TPRG1: variants seen among roughly 807,000 people sequenced by gnomAD.
The protein encoded by TPRG1 is tumor protein p63 regulated 1.
In TPRG1, 29 loss-of-function variants were observed where a neutral mutation model predicts 29.3. That is an observed-to-expected ratio of 0.99 (90% CI 0.74 to 1.35). The LOEUF is 1.35. TPRG1 is among the 40% of genes most tolerant of loss of function. The pLI is 0.00. For synonymous variants in TPRG1, 130 were observed against 116.8 expected (o/e 1.11, Z -0.73); for missense variants, 327 against 335.0 (o/e 0.98, Z 0.19).
At chr3:189,303,041 T>C (rs1241953574) in intron 4 of TPRG1, among the ~76,000 whole-genome samples, 1 of 152,168 alleles carries the variant, frequency 6.6e-6, no homozygotes, top group Non-Finnish European at 1.5e-5. Flanking sequence ...ACTCTTCATA[T>C]ACAACAGCTG....
chr3:189,300,358 T>C (rs963270229), intron 4 of TPRG1, among the ~76,000 whole-genome samples: 1 of 152,240 alleles, frequency 6.6e-6, no homozygotes, highest in East Asian at 1.9e-4. Flanking sequence ...TGGAACAATT[T>C]AGGCCTCGCT....
intron 5 of TPRG1, among the ~76,000 whole-genome samples, chr3:189,155,916 A>C (rs1489526856): frequency 6.6e-6 from 1 of 152,246 alleles, no homozygotes; most frequent in East Asian, 1.9e-4. Context: ...CATGTACAGC[A>C]TGGTGACTAT....
At chr3:189,276,850 G>A (rs1372688900) in intron 4 of TPRG1, among the ~76,000 whole-genome samples, 5 of 151,942 alleles carry the variant, frequency 3.3e-5, no homozygotes, top group Admixed American at 6.6e-5. Flanking sequence ...AGGGTTTTTC[G>A]AAACACCTAA....
intron 1 of TPRG1, among the ~76,000 whole-genome samples, chr3:189,201,387 G>A (rs1015073560): frequency 3.9e-5 from 6 of 152,162 alleles, no homozygotes; most frequent in African/African-American, 1.2e-4. Context: ...GAGGTATCAG[G>A]AGACAGACAG....
chr3:189,009,241 C>T (rs1378492815), intron 3 of TPRG1, among the ~76,000 whole-genome samples: 1 of 152,096 alleles, frequency 6.6e-6, no homozygotes, highest in East Asian at 1.9e-4. Flanking sequence ...AAGCCATGAT[C>T]AAAATCCAAG....
intron 4 of TPRG1, among the ~76,000 whole-genome samples, chr3:189,066,818 A>C (rs977867243): frequency 1.3e-5 from 2 of 152,128 alleles, no homozygotes; most frequent in Admixed American, 6.5e-5. Flanking sequence ...TCCTAGCTAG[A>C]GCAACAAAAT....
intron 1 of TPRG1, among the ~76,000 whole-genome samples, chr3:189,178,661 C>A (rs1340658810): frequency 6.6e-6 from 1 of 152,168 alleles, no homozygotes; most frequent in Non-Finnish European, 1.5e-5. Flanking sequence ...GGGTTGAAGT[C>A]AACTGTGCAG....
At chr3:189,222,084 A>G (rs1447356140) in intron 3 of TPRG1, among the ~76,000 whole-genome samples, 1 of 151,840 alleles carries the variant, frequency 6.6e-6, no homozygotes, top group Non-Finnish European at 1.5e-5. Context: ...AGGGAATAGG[A>G]TCAGGGGTTC....
intron 2 of TPRG1, among the ~76,000 whole-genome samples, chr3:189,213,798 A>AT (rs917548119): frequency 1.3e-5 from 2 of 151,714 alleles, no homozygotes; most frequent in African/African-American, 2.4e-5. Context: ...TCTTCTGTTC[A>AT]TTTTTTTCTT....
chr3:189,316,636 G>C (rs756206571), intron 5 of TPRG1, among the ~76,000 whole-genome samples: 2 of 152,148 alleles, frequency 1.3e-5, no homozygotes, highest in Non-Finnish European at 2.9e-5. Flanking sequence ...TTGGTGGAAA[G>C]TCAAGAATAA....
intron 5 of TPRG1, among the ~76,000 whole-genome samples, chr3:189,315,175 G>T (rs1723287069): frequency 1.3e-5 from 2 of 151,816 alleles, no homozygotes; most frequent in African/African-American, 4.8e-5. Context: ...AAAAAATGAG[G>T]ACAGTTATTC....
rs1208589463 is a variant in TPRG1, at chr3:189,324,562, T to A, written c.*3742T>A. 1 of 152,100 alleles carries A rather than the reference T, an allele frequency of 6.6e-6. No individual in the cohort carries two copies. The highest frequency in any genetic ancestry group is 1.5e-5 in the Non-Finnish European group (1 of 68,026). 9.4% of individuals were successfully genotyped at this position (152,100 alleles called of 1,614,324 possible). On this transcript the variant is annotated 3_prime_UTR_variant, in exon 6 of 6. Coordinates refer to ENST00000345063, the MANE Select transcript of TPRG1 (RefSeq NM_198485.4). Reference sequence around the variant, plus strand: ...TAGAGCTCTCCGATTTCCTATCTGATAAAAAAAGCCCAAACAAAGCTGCGG... The same window carrying A: ...TAGAGCTCTCCGATTTCCTATCTGAAAAAAAAAGCCCAAACAAAGCTGCGG...
intron 4 of TPRG1, 53 bp from the exon 5 acceptor site, chr3:189,310,333 T>C: frequency 6.7e-7 from 1 of 1,491,304 alleles, no homozygotes; most frequent in Non-Finnish European, 9.0e-7. Context: ...ATTCTATTTT[T>C]TTTTTTTTGG....
chr3:189,307,342 C>A (rs566366958), intron 4 of TPRG1, among the ~76,000 whole-genome samples: 55 of 152,178 alleles, frequency 3.6e-4, no homozygotes, highest in Non-Finnish European at 6.9e-4. Context: ...AATCTTCTCA[C>A]CCTGACAACT....
intron 1 of TPRG1, among the ~76,000 whole-genome samples, chr3:189,201,465 C>T (rs1398706491): frequency 1.3e-5 from 2 of 152,018 alleles, no homozygotes; most frequent in Non-Finnish European, 2.9e-5. Context: ...GGGCCAGCAG[C>T]CCAGAAGGAC....
chr3:189,204,981 A>C (rs182479029), intron 1 of TPRG1, among the ~76,000 whole-genome samples: 53 of 150,444 alleles, frequency 3.5e-4, no homozygotes, highest in African/African-American at 1.3e-3. Flanking sequence ...ACACACATAC[A>C]CTCTTTCTCC....
intron 4 of TPRG1, among the ~76,000 whole-genome samples, chr3:189,304,687 G>T (rs1248873248): frequency 6.6e-6 from 1 of 152,132 alleles, no homozygotes; most frequent in Non-Finnish European, 1.5e-5. Context: ...CATTCAATGA[G>T]CAAAGGAGCA....
chr3:189,085,390 G>A (rs1717862667), intron 4 of TPRG1, among the ~76,000 whole-genome samples: 1 of 152,044 alleles, frequency 6.6e-6, no homozygotes, highest in Admixed American at 6.6e-5. Flanking sequence ...AAAGATGGCT[G>A]GCGGTGGATA....
At chr3:189,067,551 C>A (rs77903507) in intron 4 of TPRG1, among the ~76,000 whole-genome samples, 1 of 151,964 alleles carries the variant, frequency 6.6e-6, no homozygotes, top group African/African-American at 2.4e-5. Flanking sequence ...ACAAAGGTAT[C>A]GAGAAAATAC....
Sources: gnomAD v4.1 joint callset for allele counts (sites outside exome capture counted in the v4.1 genomes callset) on GRCh38, gnomAD v4.1.1 for gene constraint, MANE v1.5 for transcripts, NCBI Gene and HGNC (gene_info 2026-07-23, HGNC 2026-07-21) for gene names.